The following PCARE variants were observed in gnomAD, a reference collection of about 807,000 sequenced individuals.
PCARE encodes photoreceptor cilium actin regulator.
Under a neutral mutation model 82.2 loss-of-function variants are expected in PCARE, and 72 were observed. The observed-to-expected ratio is 0.88, with a 90% confidence interval of 0.72 to 1.07. The LOEUF (loss-of-function observed/expected upper bound fraction) is 1.07. PCARE is among the 50% of genes least tolerant of loss of function. PCARE has a pLI of 0.00. For missense variants in PCARE, 1,768 were observed against 1,592.4 expected, an observed-to-expected ratio of 1.11 and a Z score of -1.88; for synonymous variants, 705 against 634.8, an observed-to-expected ratio of 1.11 and a Z score of -1.66.
rs771160450 is a variant in PCARE at position 29,073,253 on chromosome 2, C to T, written c.1009G>A (p.Asp337Asn). 33 of 1,613,788 alleles carry T rather than the reference C, an allele frequency of 2.0e-5. No individual in the cohort carries two copies. The highest frequency in any genetic ancestry group is 1.2e-4 in the African/African-American group (9 of 74,924). Residue 337 changes from aspartate to asparagine, a missense_variant, in exon 1 of 2, where the codon GAC becomes AAC. Asp to Asn is a conservative substitution (Grantham distance 23, BLOSUM62 1). Transcript: ENST00000331664. ...AAGGGGAGACCCTGCACCCCAGGGT[C>T]GCCACAGCCACTCGCCAGGCTCTCT... The part of the protein sequence containing the change: ...QLESLASGCG[D>N]PGVQGLPLCS...
In PCARE at chr2:29,064,892, G is replaced by A; in HGVS notation, c.3844C>T (p.Pro1282Ser). ...TGTCAGGACACCTCCTCTTGCTGGGGCTGCGCCTCTGGCTGGGATTTGTCC... is the reference window on the plus strand; with the variant it reads ...TGTCAGGACACCTCCTCTTGCTGGGACTGCGCCTCTGGCTGGGATTTGTCC... ...IQDKSQPEAQ[P>S]QQEEVS Residue 1282 changes from proline to serine, a missense_variant, in exon 2 of 2, where the codon CCC becomes TCC. Pro to Ser is a moderately conservative substitution (Grantham distance 74). Transcript: ENST00000331664. 6.2e-7 allele frequency: 1 copy of A among 1,611,726 alleles called. No homozygotes were observed. The highest frequency in any genetic ancestry group is 8.5e-7 in the Non-Finnish European group (1 of 1,179,954).
chr2:29,071,611 G>T lies in PCARE; in HGVS notation c.2651C>A (p.Ala884Asp). 5 of 1,613,270 alleles carry T rather than the reference G, an allele frequency of 3.1e-6. No homozygotes were observed. Among genetic ancestry groups the T allele is most frequent in the Non-Finnish European group, 4.2e-6 (5 of 1,179,892 alleles). Residue 884 changes from alanine to aspartate, a missense_variant, in exon 1 of 2, where the codon GCC becomes GAC. Coordinates refer to ENST00000331664, the MANE Select transcript of PCARE (RefSeq NM_001029883.3). ...CAGCAAGTCCAGGGGGCTCACAGAG[G>T]CCCTCAGCTTTGGGGAAGCCCATGT... ...RRTWASPKLR[A>D]SVSPLDLLPS... is the part of the protein sequence containing the mutation.
chr2:29,066,545 A>G (rs17744052), intron 1 of PCARE, among the ~76,000 whole-genome samples: 29,899 of 152,304 alleles, frequency 0.2, 3,136 homozygotes, highest in Middle Eastern at 0.32. Context: ...TCAGGCTTAC[A>G]TGGGATGCCA....
At position 29,072,623 on chromosome 2, in the gene PCARE, A is replaced by T; in HGVS notation, c.1639T>A (p.Ser547Thr). 1.2e-6 allele frequency: 2 copies of T among 1,612,688 alleles called. No individual in the cohort carries two copies. The highest frequency in any genetic ancestry group is 1.7e-6 in the Non-Finnish European group (2 of 1,179,648). The change falls in exon 1 of 2, where the codon TCA (serine) becomes ACA (threonine). Residue 547 changes from serine (S) to threonine (T), a missense_variant. By Grantham distance (58) the Ser-to-Thr change is moderately conservative. Transcript: ENST00000331664. ...AQEMILKMKESISERIKFVPV... is the reference protein window; with the variant it reads ...AQEMILKMKETISERIKFVPV... ...ACAAACTTGATCCTTTCGCTGATTG[A>T]CTCCTTCATCTTCAGAATCATTTCC...
rs369337832 is a variant in PCARE at position 29,070,640 on chromosome 2, A to C, written c.3622T>G (p.Leu1208Val). 2.7e-5 allele frequency: 44 copies of C among 1,613,984 alleles called. No individual in the cohort carries two copies. Among genetic ancestry groups the C allele is most frequent in the Non-Finnish European group, 3.6e-5 (43 of 1,179,908 alleles). Residue 1208 changes from leucine (L) to valine (V), a missense_variant, in exon 1 of 2, where the codon TTG (leucine) becomes GTG (valine). By Grantham distance (32) the Leu-to-Val change is conservative. Transcript: ENST00000331664. ...TCATAAGAGGTGCTGGTGGGGTCCA[A>C]GGTGGGAGGCTGCGGTCGGCCACCT... ...QPGGRPQPPT[L>V]DPTSTSYESQ...
rs771338164 is a variant in PCARE, at chr2:29,074,086, T to G, written c.176A>C (p.Glu59Ala). ...GTTCCTCCTGGGACTTGGCTGCTCCTCTGCCAGGCCCTCCCCAGCGTCATA... is the reference window on the plus strand; with the variant it reads ...GTTCCTCCTGGGACTTGGCTGCTCCGCTGCCAGGCCCTCCCCAGCGTCATA... ...TCYDAGEGLA[E>A]EQPSPRRNQT... is the part of the protein sequence containing the mutation. Residue 59 changes from glutamate (E) to alanine (A), a missense_variant, in exon 1 of 2, where the codon GAG (glutamate) becomes GCG (alanine). Transcript: ENST00000331664. 19 of 1,614,094 alleles carry G rather than the reference T, an allele frequency of 1.2e-5. No individual in the cohort carries two copies. Among genetic ancestry groups the G allele is most frequent in the Non-Finnish European group, 1.0e-5 (12 of 1,180,044 alleles).
chr2:29,064,960 A>T lies in PCARE; in HGVS notation c.3776T>A (p.Leu1259Gln). 1 of 1,603,926 alleles carries T rather than the reference A, an allele frequency of 6.2e-7. No homozygotes were observed. The highest frequency in any genetic ancestry group is 8.5e-7 in the Non-Finnish European group (1 of 1,175,626). ...AGGCTCCGGTTGCAGCCCGTGGCCC[A>T]GCACACAGAACTCTGGGGGAGATGC... Reference protein sequence around the residue: ...RRASPPEFCVLGHGLQPEPRT... With the variant: ...RRASPPEFCVQGHGLQPEPRT... The change falls in exon 2 of 2, where the codon CTG (leucine) becomes CAG (glutamine). Residue 1259 changes from leucine (L) to glutamine (Q), a missense_variant. Physicochemically the swap from Leu to Gln is moderately radical, Grantham distance 113. Transcript: ENST00000331664.
intron 1 of PCARE, among the ~76,000 whole-genome samples, 189 bp from the exon 2 acceptor site, chr2:29,065,256 T>C (rs998584709): frequency 1.3e-5 from 2 of 152,138 alleles, no homozygotes; most frequent in Non-Finnish European, 2.9e-5. Context: ...GCCGTGTGCC[T>C]GCAGGGGTGG....
In PCARE at chr2:29,073,696, G is replaced by A. The variant is rs1417134799; in HGVS notation, c.566C>T (p.Thr189Ile). The part of the protein sequence containing the change: ...PLVKAHQQAY[T>I]YLHSSLSKYE... ...TTTGGAGAGGCTGGAGTGTAGATAG[G>A]TGTAAGCCTGCTGGTGGGCCTTTAC... The change falls in exon 1 of 2, where the codon ACC (threonine) becomes ATC (isoleucine). Residue 189 changes from threonine (T) to isoleucine (I), a missense_variant. Thr to Ile is a moderately conservative substitution (Grantham distance 89). Transcript: ENST00000331664. The A allele has an allele frequency of 1.2e-6, 2 of 1,613,358 alleles. No homozygotes were observed. Among genetic ancestry groups the A allele is most frequent in the South Asian group, 1.1e-5 (1 of 91,044 alleles).
In PCARE at chr2:29,064,466, A is replaced by C; in HGVS notation, c.*403T>G. On this transcript the variant is annotated 3_prime_UTR_variant, in exon 2 of 2. Coordinates refer to ENST00000331664, the MANE Select transcript of PCARE (RefSeq NM_001029883.3). ...CTCTCCCCACACCTTCGGTTTTCAT[A>C]TGCGCAAAACTGAAGAATGCTATGT... The C allele has an allele frequency of 7.2e-6, 2 of 277,052 alleles. No individual in the cohort carries two copies. The highest frequency in any genetic ancestry group is 4.8e-5 in the Admixed American group (1 of 20,808). 17.2% of individuals were successfully genotyped at this position (277,052 alleles called of 1,614,324 possible).
In PCARE at chr2:29,071,681, C is replaced by G. The variant is rs765126239; in HGVS notation, c.2581G>C (p.Glu861Gln). ...SSKSTENSPKETQEPGPGEAG... is the reference protein window; with the variant it reads ...SSKSTENSPKQTQEPGPGEAG... ...TCTCCCGGCCCTGGCTCCTGGGTTTCCTTGGGGGAGTTCTCTGTGGACTTG... is the reference window on the plus strand; with the variant it reads ...TCTCCCGGCCCTGGCTCCTGGGTTTGCTTGGGGGAGTTCTCTGTGGACTTG... The change falls in exon 1 of 2, where the codon GAA (glutamate) becomes CAA (glutamine). Residue 861 changes from glutamate to glutamine, a missense_variant. Coordinates refer to ENST00000331664, the MANE Select transcript of PCARE (RefSeq NM_001029883.3). 3 of 1,614,092 alleles carry G rather than the reference C, an allele frequency of 1.9e-6. No homozygotes were observed. The East Asian group carries it at 6.7e-5, about 36-fold the overall frequency.
chr2:29,071,123 G>T lies in PCARE; in HGVS notation c.3139C>A (p.Arg1047=). 6.3e-7 allele frequency: 1 copy of T among 1,586,704 alleles called. No homozygotes were observed. The highest frequency in any genetic ancestry group is 8.6e-7 in the Non-Finnish European group (1 of 1,166,070). The change falls in exon 1 of 2, where the codon CGA becomes AGA. Residue 1047 remains arginine (R), a synonymous_variant. Coordinates refer to ENST00000331664, the MANE Select transcript of PCARE (RefSeq NM_001029883.3). The part of the protein sequence containing the change: ...RVLSPPTTKR[R]TSPPHQPKLP... The stretch of plus-strand genomic sequence containing the variant: ...TTGGGCTGGTGCGGTGGGGAAGTTC[G>T]CCGCTTTGTGGTGGGTGGGCTTAGC...
chr2:29,071,050 G>C lies in PCARE; in HGVS notation c.3212C>G (p.Pro1071Arg), dbSNP rs1440001545. 6 of 1,586,532 alleles carry C rather than the reference G, an allele frequency of 3.8e-6. No individual in the cohort carries two copies. The African/African-American group carries it at 8.1e-5, about 22-fold the overall frequency. The change falls in exon 1 of 2, where the codon CCC (proline) becomes CGC (arginine). Residue 1071 changes from proline (P) to arginine (R), a missense_variant. By Grantham distance (103) the Pro-to-Arg change is moderately radical. Coordinates refer to ENST00000331664, the MANE Select transcript of PCARE (RefSeq NM_001029883.3). ...PESAPAQCKV[P>R]SPPTQHPEAS... ...TTCTGGGTGCTGGGTTGGGGGGCTGGGGACCTTGCACTGAGCAGGTGCACT... is the reference window on the plus strand; with the variant it reads ...TTCTGGGTGCTGGGTTGGGGGGCTGCGGACCTTGCACTGAGCAGGTGCACT...
At position 29,073,073 on chromosome 2, in the gene PCARE, A is replaced by G. The variant is rs749003878; in HGVS notation, c.1189T>C (p.Trp397Arg). 3 of 1,613,988 alleles carry G rather than the reference A, an allele frequency of 1.9e-6. No individual in the cohort carries two copies. The highest frequency in any genetic ancestry group is 1.7e-5 in the Admixed American group (1 of 60,022). ...HTEARQSGHT[W>R]QQSPFCLGSG... ...CCCAAACAGAATGGACTTTGCTGCC[A>G]GGTGTGTCCTGACTGCCTGGCCTCT... is the stretch of plus-strand genomic sequence containing the variant. Residue 397 changes from tryptophan to arginine, a missense_variant, in exon 1 of 2, where the codon TGG becomes CGG. Coordinates refer to ENST00000331664, the MANE Select transcript of PCARE (RefSeq NM_001029883.3).
Position 29,071,398 on chromosome 2 carries a change from C to T in PCARE, c.2864G>A (p.Arg955Gln), listed in dbSNP as rs184249075. 1.7e-3 allele frequency: 2,762 copies of T among 1,613,696 alleles called. 4 individuals carry two copies. Among genetic ancestry groups the T allele is most frequent in the East Asian group, 1.9e-3 (87 of 44,874 alleles). ...GGAGTGGTGCCAGGCGATGGCCTTC[C>T]GGGGCTGCCTGTAGAGGCTGGTGGC... ...EKATSLYRQPRKAIAWHHSGP... is the reference protein window; with the variant it reads ...EKATSLYRQPQKAIAWHHSGP... The change falls in exon 1 of 2, where the codon CGG (arginine) becomes CAG (glutamine). Residue 955 changes from arginine (R) to glutamine (Q), a missense_variant. Transcript: ENST00000331664.
chr2:29,071,311 C>T lies in PCARE; in HGVS notation c.2951G>A (p.Arg984Gln), dbSNP rs367888126. The change falls in exon 1 of 2, where the codon CGA becomes CAA. Residue 984 changes from arginine (R) to glutamine (Q), a missense_variant. Physicochemically the swap from Arg to Gln is conservative, Grantham distance 43 (BLOSUM62 1). Coordinates refer to ENST00000331664, the MANE Select transcript of PCARE (RefSeq NM_001029883.3). ...ESSLARPRQS[R>Q]ERSPPVGRKA... Reference sequence around the variant, plus strand: ...TCTGCCCACAGGGGGGCTTCTCTCTCGGCTCTGCCTTGGTCTGGCCAGGCT... The same window carrying T: ...TCTGCCCACAGGGGGGCTTCTCTCTTGGCTCTGCCTTGGTCTGGCCAGGCT... The T allele has an allele frequency of 1.7e-4, 273 of 1,613,332 alleles. 2 individuals are homozygous for T. Among genetic ancestry groups the T allele is most frequent in the South Asian group, 3.6e-4 (33 of 91,086 alleles).
chr2:29,064,842 C>T lies in PCARE; in HGVS notation c.*27G>A, dbSNP rs10182566. The T allele has an allele frequency of 0.27, 438,300 of 1,607,708 alleles. 61,861 individuals carry two copies. The highest frequency in any genetic ancestry group is 0.47 in the East Asian group (21,222 of 44,814). On this transcript the variant is annotated 3_prime_UTR_variant, in exon 2 of 2. Coordinates refer to ENST00000331664, the MANE Select transcript of PCARE (RefSeq NM_001029883.3). ...CACACTTGGCCTTCTGGGGTGACTG[C>T]GTGAGTGTGGCCCCCTCGTCAGCCT...
rs719691 is a variant in PCARE at position 29,063,327 on chromosome 2, T to C, written c.*1542A>G. 0.56 allele frequency: 85,178 copies of C among 152,226 alleles called. 24,315 individuals carry two copies. Among genetic ancestry groups the C allele is most frequent in the East Asian group, 0.85 (4,376 of 5,168 alleles). 9.4% of individuals were successfully genotyped at this position (152,226 alleles called of 1,614,324 possible). A position where few individuals can be genotyped will look rare whatever the true frequency, so the allele number is the denominator to read the frequency against. On this transcript the variant is annotated 3_prime_UTR_variant, in exon 2 of 2. Coordinates refer to ENST00000331664, the MANE Select transcript of PCARE (RefSeq NM_001029883.3). The stretch of plus-strand genomic sequence containing the variant: ...AGATGAGGGCGGCAACAGGAGCAAA[T>C]GCGAGCAGACAGCTGGGTGTGTCCC...
chr2:29,072,731 G>A lies in PCARE; in HGVS notation c.1531C>T (p.His511Tyr), dbSNP rs201953461. The change falls in exon 1 of 2, where the codon CAT (histidine) becomes TAT (tyrosine). Residue 511 changes from histidine to tyrosine, a missense_variant. His to Tyr is a moderately conservative substitution (Grantham distance 83). Transcript: ENST00000331664. ...SLCAWQEKTP[H>Y]SRPQSSPADR... ...GCAGGTGAAGATTGTGGCCTTGAAT[G>A]TGGAGTTTTTTCCTGCCAGGCACAC... 6.2e-6 allele frequency: 10 copies of A among 1,614,092 alleles called. No homozygotes were observed. Among genetic ancestry groups the A allele is most frequent in the South Asian group, 1.1e-5 (1 of 91,080 alleles).
Sources: allele counts gnomAD v4.1 joint callset (sites outside exome capture counted in the v4.1 genomes callset), GRCh38; gene constraint gnomAD v4.1.1; transcripts MANE v1.5; gene names NCBI Gene and HGNC (gene_info 2026-07-23, HGNC 2026-07-21).